PVT1: variants seen among roughly 807,000 people sequenced by gnomAD.
PVT1 encodes Pvt1 oncogene.
At chr8:128,004,195 A>G (rs796869324) in intron 4 of PVT1, among the ~76,000 whole-genome samples, 1 of 152,236 alleles carries the variant, frequency 6.6e-6, no homozygotes, top group African/African-American at 2.4e-5. Flanking sequence ...CTTTCAGTCC[A>G]CAGCAGGCCG....
chr8:127,804,153 C>T (rs1388152975), intron 2 of PVT1, among the ~76,000 whole-genome samples: 1 of 152,062 alleles, frequency 6.6e-6, no homozygotes, highest in African/African-American at 2.4e-5. Flanking sequence ...AAGTTTGAGG[C>T]TGCAGTGAGT....
chr8:128,030,694 C>T (rs1813377538), intron 4 of PVT1, among the ~76,000 whole-genome samples: 1 of 152,220 alleles, frequency 6.6e-6, no homozygotes, highest in Non-Finnish European at 1.5e-5. Context: ...CCAGCATCTG[C>T]CACAAAGTGG....
At chr8:127,845,961 G>T (rs945861305) in intron 2 of PVT1, among the ~76,000 whole-genome samples, 1 of 152,198 alleles carries the variant, frequency 6.6e-6, no homozygotes, top group Admixed American at 6.5e-5. Context: ...CACTTTGAAA[G>T]GTCTGTTCTT....
chr8:127,938,125 G>A (rs1816301821), intron 3 of PVT1, among the ~76,000 whole-genome samples: 1 of 152,192 alleles, frequency 6.6e-6, no homozygotes, highest in Admixed American at 6.5e-5. Context: ...TCTGGAGAAT[G>A]ATACTGTTTT....
At chr8:127,797,814 T>C (rs1163862671) in intron 2 of PVT1, among the ~76,000 whole-genome samples, 1 of 152,160 alleles carries the variant, frequency 6.6e-6, no homozygotes, top group Non-Finnish European at 1.5e-5. Context: ...CTTCAAATTA[T>C]ATGATCTCAT....
intron 3 of PVT1, among the ~76,000 whole-genome samples, chr8:127,986,476 T>C (rs892539702): frequency 6.6e-6 from 1 of 152,154 alleles, no homozygotes; most frequent in Non-Finnish European, 1.5e-5. Context: ...CAGGTAGATA[T>C]CCTTGAGAAC....
intron 2 of PVT1, among the ~76,000 whole-genome samples, chr8:127,868,949 T>G (rs1204461500): frequency 6.6e-6 from 1 of 151,258 alleles, no homozygotes; most frequent in Non-Finnish European, 1.5e-5. Flanking sequence ...TTGCTTCTGC[T>G]GGACCAAAGT....
chr8:127,867,006 A>G (rs1481525825), intron 2 of PVT1, among the ~76,000 whole-genome samples: 2 of 152,218 alleles, frequency 1.3e-5, no homozygotes, highest in Admixed American at 6.5e-5. Flanking sequence ...TTGAAACCCA[A>G]GTCATCAGCT....
intron 4 of PVT1, among the ~76,000 whole-genome samples, chr8:128,029,073 A>C (rs188695933): frequency 4.2e-4 from 62 of 147,250 alleles, no homozygotes; most frequent in African/African-American, 1.5e-3. Context: ...AAACTCCTGG[A>C]CTCAGGTAAT....
At chr8:127,888,555 G>A (rs796751414) in intron 2 of PVT1, among the ~76,000 whole-genome samples, 25 of 152,348 alleles carry the variant, frequency 1.6e-4, no homozygotes, top group African/African-American at 4.8e-4. Flanking sequence ...TGAGGTGGAC[G>A]GATGATTTTG....
At chr8:128,022,547 G>A (rs1361298915) in intron 4 of PVT1, among the ~76,000 whole-genome samples, 1 of 152,196 alleles carries the variant, frequency 6.6e-6, no homozygotes, top group Non-Finnish European at 1.5e-5. Context: ...AGAATTCCTG[G>A]CAGGGCCAAA....
rs539111866 is a variant in PVT1 at position 127,896,811 on chromosome 8, C to CT, written n.782+5814dup. 3.4e-4 allele frequency among the ~76,000 whole-genome samples: 48 copies of CT among 139,226 alleles called. No homozygotes were observed. In the East Asian group the frequency reaches 0.012, roughly 34 times the overall value. The allele number at this position is 139,226 out of a possible 152,430, so 91.3% of individuals were successfully genotyped here. A position where few individuals can be genotyped will look rare whatever the true frequency, so the allele number is the denominator to read the frequency against. On this transcript the variant is annotated intron_variant and non_coding_transcript_variant, in intron 3 of 10. Coordinates refer to ENST00000651587, the Ensembl canonical transcript of PVT1. The stretch of plus-strand genomic sequence containing the variant: ...CCCCCGACCCACAGGCCCCAATGTG[C>CT]TCAAGTGTTTTAATCTCTCTGAGCC...
intron 3 of PVT1, chr8:127,948,234 T>C: frequency 3.1e-6 from 1 of 321,884 alleles, no homozygotes; most frequent in South Asian, 2.9e-5. Context: ...GAAAAGCAGC[T>C]GCTGAGTGGT....
intron 2 of PVT1, among the ~76,000 whole-genome samples, chr8:127,864,527 T>A (rs1586412336): frequency 1.3e-5 from 2 of 152,200 alleles, no homozygotes; most frequent in East Asian, 3.9e-4. Context: ...CACACGGACA[T>A]GTGTTGAATG....
intron 3 of PVT1, among the ~76,000 whole-genome samples, chr8:127,893,962 AC>A (rs1344079199): frequency 6.6e-6 from 1 of 151,976 alleles, no homozygotes; most frequent in African/African-American, 2.4e-5. Flanking sequence ...TTTTCCCTGG[AC>A]TTTTGCCTGA....
intron 4 of PVT1, among the ~76,000 whole-genome samples, chr8:128,045,824 A>T (rs1444677597): frequency 1.3e-5 from 2 of 152,098 alleles, no homozygotes; most frequent in African/African-American, 4.8e-5. Context: ...GTTGGATTTG[A>T]CTCTTAGATC....
intron 3 of PVT1, among the ~76,000 whole-genome samples, chr8:127,935,164 C>G (rs946814652): frequency 1.3e-5 from 2 of 152,104 alleles, no homozygotes; most frequent in Non-Finnish European, 2.9e-5. Context: ...CGGGGTTTCT[C>G]CATGTTGGTC....
intron 5 of PVT1, among the ~76,000 whole-genome samples, chr8:128,079,718 C>A (rs1814148915): frequency 6.6e-6 from 1 of 152,020 alleles, no homozygotes. Context: ...AGGATATAGC[C>A]TTTTCTTTTT....
chr8:128,080,018 T>C (rs1729221986), intron 5 of PVT1, among the ~76,000 whole-genome samples: 1 of 152,182 alleles, frequency 6.6e-6, no homozygotes, highest in Non-Finnish European at 1.5e-5. Flanking sequence ...TTCTTTCACT[T>C]AGTAATATGC....
Sources: gnomAD v4.1 joint callset for allele counts (sites outside exome capture counted in the v4.1 genomes callset) on GRCh38, gnomAD v4.1.1 for gene constraint, MANE v1.5 for transcripts, NCBI Gene and HGNC (gene_info 2026-07-23, HGNC 2026-07-21) for gene names.